The following SCP2 variants were observed in gnomAD, a reference collection of about 807,000 sequenced individuals.
SCP2 encodes sterol carrier protein 2.
In SCP2, 48 loss-of-function variants were observed where a neutral mutation model predicts 71.4. The ratio of observed to expected loss-of-function variants is 0.67; its 90% CI spans 0.53 to 0.86. The LOEUF is 0.86. SCP2 is among the 40% of genes least tolerant of loss of function. The probability of loss-of-function intolerance (pLI) is 0.00; values close to 1 mark genes in which losing one functional copy is unlikely to be tolerated. For synonymous variants in SCP2, 220 were observed against 218.1 expected (o/e 1.01, Z -0.08); for missense variants, 560 against 655.6 (o/e 0.85, Z 1.59).
chr1:53,028,503 TTG>T (rs1662292240), intron 13 of SCP2, among the ~76,000 whole-genome samples: 1 of 152,250 alleles, frequency 6.6e-6, no homozygotes, highest in African/African-American at 2.4e-5. Context: ...TAAAAAGAAA[TTG>T]TGTTTTGATT....
chr1:52,929,651 C>T (rs1487391848), intron 1 of SCP2, among the ~76,000 whole-genome samples: 1 of 152,070 alleles, frequency 6.6e-6, no homozygotes, highest in Non-Finnish European at 1.5e-5. Context: ...GACACAGATT[C>T]TTGCTCTGTC....
Position 53,015,043 on chromosome 1 carries a change from G to A in SCP2, c.1235G>A (p.Ser412Asn). The change falls in exon 12 of 16, where the codon AGT becomes AAT. Residue 412 changes from serine (S) to asparagine (N), a missense_variant and splice_region_variant. Ser to Asn is a conservative substitution (Grantham distance 46, BLOSUM62 1). Coordinates refer to ENST00000371514, the MANE Select transcript of SCP2 (RefSeq NM_002979.5). Reference sequence around the variant, plus strand: ...AAGATGGGTTTTCCGGAAGCCGCCAGGTGAGTGACATTCAGAGTTTTGTGT... The same window carrying A: ...AAGATGGGTTTTCCGGAAGCCGCCAAGTGAGTGACATTCAGAGTTTTGTGT... The part of the protein sequence containing the change: ...LYKMGFPEAA[S>N]SFRTHQIEAV... 1 of 1,614,050 alleles carries A rather than the reference G, an allele frequency of 6.2e-7. No individual in the cohort carries two copies. The highest frequency in any genetic ancestry group is 1.1e-5 in the South Asian group (1 of 91,068).
chr1:52,988,218 A>G (rs1659167985), intron 11 of SCP2, 82 bp downstream of exon 11: 2 of 766,212 alleles, frequency 2.6e-6, no homozygotes, highest in Admixed American at 3.9e-5. Flanking sequence ...TTTGAATGAA[A>G]GATTATATTC....
At chr1:52,956,164 T>C (rs1262346543) in intron 5 of SCP2, among the ~76,000 whole-genome samples, 1 of 151,812 alleles carries the variant, frequency 6.6e-6, no homozygotes, top group Non-Finnish European at 1.5e-5. Context: ...ATTAGCCGGG[T>C]GTGGTGATAT....
At chr1:53,045,088 GTC>G (rs1663701861) in intron 14 of SCP2, among the ~76,000 whole-genome samples, 1 of 152,106 alleles carries the variant, frequency 6.6e-6, no homozygotes, top group South Asian at 2.1e-4. Context: ...TTTTGTTGAA[GTC>G]TAGCCTGTAG....
chr1:53,039,953 C>G (rs74363525), intron 14 of SCP2, among the ~76,000 whole-genome samples: 1 of 152,194 alleles, frequency 6.6e-6, no homozygotes, highest in East Asian at 1.9e-4. Context: ...TAAGTATGTA[C>G]TCCTCCTGCT....
intron 8 of SCP2, 31 bp downstream of exon 8, chr1:52,976,800 G>A (rs186630279): frequency 4.0e-5 from 43 of 1,084,170 alleles, no homozygotes; most frequent in Non-Finnish European, 5.6e-5. Context: ...CATTTAATGA[G>A]GGAAGTAACT....
intron 11 of SCP2, among the ~76,000 whole-genome samples, chr1:52,997,615 T>C (rs1313087034): frequency 2.0e-5 from 3 of 152,178 alleles, no homozygotes; most frequent in African/African-American, 7.2e-5. Flanking sequence ...AGATTAGTGG[T>C]TGCTTAGGAC....
chr1:52,999,815 G>GTTTTTTTTTTTTTTTT lies in SCP2; in HGVS notation c.1081+11683_1081+11698dup, dbSNP rs60893788. 1.0e-4 allele frequency among the ~76,000 whole-genome samples: 11 copies of GTTTTTTTTTTTTTTTT among 109,384 alleles called. 1 individual carries two copies. The East Asian group carries it at 1.5e-3, about 15-fold the overall frequency. 71.8% of individuals were successfully genotyped at this position (109,384 alleles called of 152,430 possible). A position where few individuals can be genotyped will look rare whatever the true frequency, so the allele number is the denominator to read the frequency against. On this transcript the variant is annotated intron_variant, in intron 11 of 15. Coordinates refer to ENST00000371514, the MANE Select transcript of SCP2 (RefSeq NM_002979.5). ...ACTATCCAACACTTACTGAACACTT[G>GTTTTTTTTTTTTTTTT]TTTTTTTTTTTTTTTTTTTGAGACA...
intron 11 of SCP2, among the ~76,000 whole-genome samples, chr1:52,997,501 A>G (rs1660018691): frequency 6.6e-6 from 1 of 152,222 alleles, no homozygotes; most frequent in African/African-American, 2.4e-5. Flanking sequence ...CATGAAAGGA[A>G]TGAGGTACCG....
At position 53,050,946 on chromosome 1, in the gene SCP2, G is replaced by T. The variant is rs1483845833; in HGVS notation, c.*242G>T. 3.0e-6 allele frequency: 1 copy of T among 331,708 alleles called. No individual in the cohort carries two copies. The highest frequency in any genetic ancestry group is 5.6e-6 in the Non-Finnish European group (1 of 179,362). 20.5% of individuals were successfully genotyped at this position (331,708 alleles called of 1,614,324 possible). ...ATTACAAAGTTAATATGGTAATTATGGTCTGGGGTAAAATTGAGTTTCAGA... is the reference window on the plus strand; with the variant it reads ...ATTACAAAGTTAATATGGTAATTATTGTCTGGGGTAAAATTGAGTTTCAGA... On this transcript the variant is annotated 3_prime_UTR_variant, in exon 16 of 16. Transcript: ENST00000371514.
intron 12 of SCP2, among the ~76,000 whole-genome samples, chr1:53,022,768 C>T (rs566370575): frequency 5.3e-5 from 8 of 152,192 alleles, no homozygotes; most frequent in Middle Eastern, 3.4e-3. Context: ...TAGCTGAGTG[C>T]GGTGCTTCTG....
At chr1:52,995,908 G>C in intron 11 of SCP2, 1 of 1,491,638 alleles carries the variant, frequency 6.7e-7, no homozygotes. Flanking sequence ...TGGATGAGAC[G>C]AGAGTTCAAC....
At chr1:53,041,963 C>T (rs1663467891) in intron 14 of SCP2, among the ~76,000 whole-genome samples, 1 of 143,562 alleles carries the variant, frequency 7.0e-6, no homozygotes, top group African/African-American at 2.6e-5. Context: ...AGCTTGGAGT[C>T]CGGAGAAAAA....
At chr1:53,024,143 G>A (rs60411922) in intron 12 of SCP2, among the ~76,000 whole-genome samples, 21,804 of 152,042 alleles carry the variant, frequency 0.14, 2,278 homozygotes, top group East Asian at 0.32. Flanking sequence ...CTGACATGCT[G>A]CAAGATGGAT....
In SCP2 at chr1:52,927,292, G is replaced by A. The variant is rs1358235955; in HGVS notation, c.-105G>A. 2.4e-6 allele frequency: 2 copies of A among 849,634 alleles called. No individual in the cohort carries two copies. The highest frequency in any genetic ancestry group is 3.6e-6 in the Non-Finnish European group (2 of 560,182). 52.6% of individuals were successfully genotyped at this position (849,634 alleles called of 1,614,324 possible). A position where few individuals can be genotyped will look rare whatever the true frequency, so the allele number is the denominator to read the frequency against. On this transcript the variant is annotated 5_prime_UTR_variant, in exon 1 of 16. Transcript: ENST00000371514. ...CGCACTCTCACGCGCCTGTGTTGCC[G>A]CCCGCGGCCCTGGCTTCGGGCTTCA...
chr1:53,033,083 T>C (rs78876435), intron 13 of SCP2, among the ~76,000 whole-genome samples: 1,720 of 152,260 alleles, frequency 0.011, 36 homozygotes, highest in African/African-American at 0.039. Flanking sequence ...TTGGTTTAAG[T>C]AGAAAATATT....
intron 1 of SCP2, among the ~76,000 whole-genome samples, chr1:52,941,435 T>TA (rs962615851): frequency 6.6e-6 from 1 of 152,040 alleles, no homozygotes; most frequent in Non-Finnish European, 1.5e-5. Context: ...TTTTATTGTG[T>TA]AAAAAATGTA....
chr1:52,958,846 C>T (rs946171412), intron 5 of SCP2, among the ~76,000 whole-genome samples: 10 of 152,072 alleles, frequency 6.6e-5, no homozygotes, highest in Non-Finnish European at 1.0e-4. Flanking sequence ...TGAGCCACTG[C>T]GCCGGGCCTG....
Sources: gnomAD v4.1 joint callset for allele counts (sites outside exome capture counted in the v4.1 genomes callset) on GRCh38, gnomAD v4.1.1 for gene constraint, MANE v1.5 for transcripts, NCBI Gene and HGNC (gene_info 2026-07-23, HGNC 2026-07-21) for gene names.